Variants in EVA1C observed in about 807,000 individuals in gnomAD.
EVA1C encodes eva-1 homolog C.
A neutral mutation model predicts 45.4 loss-of-function variants in EVA1C; 25 were observed. The ratio of observed to expected loss-of-function variants is 0.55; its 90% CI spans 0.40 to 0.77. The LOEUF (loss-of-function observed/expected upper bound fraction) is 0.77, where lower values mean the gene tolerates loss of function less well. Among genes scored for constraint, EVA1C ranks in the 30% least tolerant of loss-of-function variants. The pLI is 0.00. For missense variants in EVA1C, 479 were observed against 554.8 expected, an observed-to-expected ratio of 0.86 and a Z score of 1.37; for synonymous variants, 190 against 221.2, an observed-to-expected ratio of 0.86 and a Z score of 1.25.
At chr21:32,458,574 C>T (rs569128550) in intron 3 of EVA1C, among the ~76,000 whole-genome samples, 6 of 151,964 alleles carry the variant, frequency 3.9e-5, no homozygotes, top group East Asian at 1.9e-4. Context: ...TTTCGCCTCC[C>T]GGGTTCAGGC....
intron 4 of EVA1C, among the ~76,000 whole-genome samples, chr21:32,479,962 C>A (rs1017685825): frequency 6.6e-6 from 1 of 151,724 alleles, no homozygotes; most frequent in Non-Finnish European, 1.5e-5. Context: ...CAGCTGCATG[C>A]CTTGGTAAAC....
intron 1 of EVA1C, among the ~76,000 whole-genome samples, chr21:32,419,249 T>C (rs2034167518): frequency 6.6e-6 from 1 of 152,168 alleles, no homozygotes. Flanking sequence ...TGGCTTAATA[T>C]CTTTAAAATT....
At chr21:32,509,412 G>T (rs1490696620) in intron 7 of EVA1C, among the ~76,000 whole-genome samples, 1 of 152,224 alleles carries the variant, frequency 6.6e-6, no homozygotes, top group Non-Finnish European at 1.5e-5. Flanking sequence ...TCTTATGGGA[G>T]AGAAGCTCTC....
chr21:32,512,750 C>A (rs1159338004), intron 7 of EVA1C, among the ~76,000 whole-genome samples: 1 of 152,156 alleles, frequency 6.6e-6, no homozygotes, highest in Non-Finnish European at 1.5e-5. Flanking sequence ...GGCAGTGGGG[C>A]TCAAAGTTTA....
chr21:32,429,705 A>G (rs2034625013), intron 1 of EVA1C, among the ~76,000 whole-genome samples: 1 of 152,198 alleles, frequency 6.6e-6, no homozygotes, highest in Non-Finnish European at 1.5e-5. Flanking sequence ...CAAAAGGACA[A>G]TGTGCAGACT....
At chr21:32,417,924 A>T (rs951147106) in intron 1 of EVA1C, among the ~76,000 whole-genome samples, 8 of 152,146 alleles carry the variant, frequency 5.3e-5, no homozygotes, top group African/African-American at 1.9e-4. Flanking sequence ...GGCAATTCTA[A>T]TATGCAGCTA....
intron 7 of EVA1C, among the ~76,000 whole-genome samples, chr21:32,508,845 C>T (rs1175291934): frequency 6.6e-6 from 1 of 152,194 alleles, no homozygotes; most frequent in Non-Finnish European, 1.5e-5. Flanking sequence ...CCTTAAAGGC[C>T]ATAGGTCCCC....
intron 6 of EVA1C, among the ~76,000 whole-genome samples, chr21:32,502,032 CTTTCTTTCTTT>C (rs1487097423): frequency 9.7e-6 from 1 of 103,440 alleles, no homozygotes; most frequent in African/African-American, 3.7e-5. Context: ...TTCTTTCTTT[CTTTCTTTCTTT>C]CTTTCTTTCT....
At chr21:32,494,913 T>G in intron 4 of EVA1C, 114 bp from the exon 5 acceptor site, 1 of 1,122,126 alleles carries the variant, frequency 8.9e-7, no homozygotes, top group Non-Finnish European at 1.3e-6. Flanking sequence ...GCAGAGAAAC[T>G]CTCCATTTGA....
At chr21:32,447,356 G>A (rs1305783257) in intron 1 of EVA1C, among the ~76,000 whole-genome samples, 1 of 151,958 alleles carries the variant, frequency 6.6e-6, no homozygotes. Flanking sequence ...GTGACAAAGG[G>A]AGACTCCGTC....
intron 4 of EVA1C, among the ~76,000 whole-genome samples, chr21:32,494,279 C>T (rs1032059775): frequency 5.9e-5 from 9 of 152,072 alleles, no homozygotes; most frequent in Non-Finnish European, 1.0e-4. Context: ...CTACAGTGGG[C>T]GAGGTGTGAG....
At chr21:32,453,557 T>C in intron 2 of EVA1C, 49 bp downstream of exon 2, 1 of 1,273,792 alleles carries the variant, frequency 7.9e-7, no homozygotes, top group Non-Finnish European at 1.1e-6. Flanking sequence ...CAACACACAC[T>C]CTTTCTCTCT....
chr21:32,488,560 T>G (rs1468499920), intron 4 of EVA1C, among the ~76,000 whole-genome samples: 5 of 151,388 alleles, frequency 3.3e-5, no homozygotes, highest in Non-Finnish European at 5.9e-5. Context: ...TTAGTGATGT[T>G]GGGCACCTTT....
chr21:32,470,734 ATCTT>A (rs1396031961), intron 4 of EVA1C, among the ~76,000 whole-genome samples: 1 of 142,466 alleles, frequency 7.0e-6, no homozygotes, highest in East Asian at 2.0e-4. Context: ...GGCCTCAGCT[ATCTT>A]TCTTTCTTTC....
chr21:32,476,924 C>G (rs2036589021), intron 4 of EVA1C, among the ~76,000 whole-genome samples: 2 of 152,118 alleles, frequency 1.3e-5, no homozygotes, highest in Admixed American at 1.3e-4. Flanking sequence ...TATATGAAGC[C>G]CTAAGCTGGT....
chr21:32,413,103 G>C (rs2033895144), intron 1 of EVA1C, 90 bp downstream of exon 1: 2 of 1,140,706 alleles, frequency 1.8e-6, no homozygotes, highest in South Asian at 5.0e-5. Flanking sequence ...AGTGGACACG[G>C]CGGGGTAGGA....
intron 4 of EVA1C, among the ~76,000 whole-genome samples, chr21:32,469,064 G>A (rs1568917823): frequency 6.6e-6 from 1 of 152,128 alleles, no homozygotes; most frequent in East Asian, 1.9e-4. Context: ...CAGTTGTTCC[G>A]TCATTCCACA....
intron 1 of EVA1C, among the ~76,000 whole-genome samples, chr21:32,433,771 T>C (rs1277016841): frequency 6.6e-6 from 1 of 152,042 alleles, no homozygotes; most frequent in East Asian, 1.9e-4. Flanking sequence ...CACCTCAAAA[T>C]GTGGCATATT....
intron 1 of EVA1C, among the ~76,000 whole-genome samples, chr21:32,445,688 G>T (rs1194811580): frequency 6.6e-6 from 1 of 152,204 alleles, no homozygotes; most frequent in Non-Finnish European, 1.5e-5. Flanking sequence ...ACAGAGGAGA[G>T]CTCCTGCCAC....
Sources: gnomAD v4.1 joint callset for allele counts (sites outside exome capture counted in the v4.1 genomes callset) on GRCh38, gnomAD v4.1.1 for gene constraint, MANE v1.5 for transcripts, NCBI Gene and HGNC (gene_info 2026-07-23, HGNC 2026-07-21) for gene names.